Variants in NEK6 observed in about 807,000 individuals in gnomAD.
NEK6 encodes NIMA related kinase 6.
NEK6 carries 27 observed loss-of-function variants against 43.5 expected under a neutral mutation model. That is an observed-to-expected ratio of 0.62 (90% CI 0.46 to 0.86). The LOEUF (loss-of-function observed/expected upper bound fraction) is 0.86, where lower values mean the gene tolerates loss of function less well. Among genes scored for constraint, NEK6 ranks in the 40% least tolerant of loss-of-function variants. NEK6 has a pLI of 0.00. For missense variants in NEK6, 318 were observed against 414.4 expected, an observed-to-expected ratio of 0.77 and a Z score of 2.02; for synonymous variants, 167 against 164.1, an observed-to-expected ratio of 1.02 and a Z score of -0.14.
rs116028339 is a variant in NEK6 at position 124,261,369 on chromosome 9, C to G, written c.-30+3284C>G. ...AAAAGGAGAAGAATATTTCCTTCCT[C>G]TTCTCAGGCTAGACCAAGCAAGGGA... On this transcript the variant is annotated intron_variant, in intron 1 of 9. Transcript: ENST00000320246. 522 of 980,152 alleles carry G rather than the reference C, an allele frequency of 5.3e-4. 2 individuals are homozygous for G. The African/African-American group carries it at 5.8e-3, about 11-fold the overall frequency. 60.7% of individuals were successfully genotyped at this position (980,152 alleles called of 1,614,324 possible). A position where few individuals can be genotyped will look rare whatever the true frequency, so the allele number is the denominator to read the frequency against.
At chr9:124,264,855 T>C (rs949382322) in intron 1 of NEK6, among the ~76,000 whole-genome samples, 4 of 145,984 alleles carry the variant, frequency 2.7e-5, no homozygotes, top group Non-Finnish European at 4.5e-5. Flanking sequence ...CTGCAAAGAA[T>C]GGCACCTGGC....
chr9:124,330,241 C>T (rs981436626), intron 7 of NEK6, among the ~76,000 whole-genome samples: 3 of 152,178 alleles, frequency 2.0e-5, no homozygotes, highest in African/African-American at 4.8e-5. Flanking sequence ...GAGCGTCAGA[C>T]GAATTACCAG....
Position 124,326,211 on chromosome 9 carries a change from C to T in NEK6, c.406-119C>T, listed in dbSNP as rs558643685. 2.7e-4 allele frequency: 53 copies of T among 197,912 alleles called. 14 individuals are homozygous for T. The highest frequency in any genetic ancestry group is 6.6e-4 in the Non-Finnish European group (52 of 78,814). 12.3% of individuals were successfully genotyped at this position (197,912 alleles called of 1,614,324 possible). A position where few individuals can be genotyped will look rare whatever the true frequency, so the allele number is the denominator to read the frequency against. ...TTGCTCAGTGGCTCAATCCCCCCCCCCCGCCCCTGCCAGGCACCAGTTACC... is the reference window on the plus strand; with the variant it reads ...TTGCTCAGTGGCTCAATCCCCCCCCTCCGCCCCTGCCAGGCACCAGTTACC... On this transcript the variant is annotated intron_variant, in intron 5 of 9. Coordinates refer to ENST00000320246, the MANE Select transcript of NEK6 (RefSeq NM_014397.6). The surrounding 1 kb of genome is among the most constrained non-coding windows in gnomAD (Gnocchi z 4.5).
At chr9:124,333,024 A>G (rs1829092731) in intron 7 of NEK6, among the ~76,000 whole-genome samples, 1 of 152,092 alleles carries the variant, frequency 6.6e-6, no homozygotes, top group South Asian at 2.1e-4. Context: ...CCCGGGCTGC[A>G]CTGCACACAG....
intron 2 of NEK6, among the ~76,000 whole-genome samples, chr9:124,312,243 TCAGA>T (rs1311089975): frequency 6.6e-6 from 1 of 152,102 alleles, no homozygotes; most frequent in Non-Finnish European, 1.5e-5. Context: ...AAACAAGCAG[TCAGA>T]CAATGAAGGT....
intron 4 of NEK6, among the ~76,000 whole-genome samples, chr9:124,319,521 C>A (rs545344948): frequency 6.6e-6 from 1 of 152,300 alleles, no homozygotes; most frequent in African/African-American, 2.4e-5. Context: ...GTCTTAAATT[C>A]TTTGTCAAGG....
intron 2 of NEK6, among the ~76,000 whole-genome samples, chr9:124,309,725 G>A (rs944587384): frequency 6.6e-6 from 1 of 152,204 alleles, no homozygotes; most frequent in East Asian, 1.9e-4. Flanking sequence ...TTATGAGTAC[G>A]TGCGATTCTT....
intron 2 of NEK6, among the ~76,000 whole-genome samples, chr9:124,307,356 C>T (rs778054540): frequency 3.3e-5 from 5 of 152,134 alleles, no homozygotes; most frequent in Non-Finnish European, 5.9e-5. Flanking sequence ...AGAATGCCAG[C>T]GACATTTCTT....
chr9:124,311,832 G>C (rs1833540461), intron 2 of NEK6, among the ~76,000 whole-genome samples: 1 of 152,204 alleles, frequency 6.6e-6, no homozygotes, highest in Non-Finnish European at 1.5e-5. Flanking sequence ...TGGAATTATA[G>C]GCATGGGCCA....
In NEK6 at chr9:124,326,323, A is replaced by C; in HGVS notation, c.406-7A>C. 1.3e-6 allele frequency: 2 copies of C among 1,572,520 alleles called. No individual in the cohort carries two copies. The highest frequency in any genetic ancestry group is 1.7e-6 in the Non-Finnish European group (2 of 1,153,948). On this transcript the variant is annotated splice_polypyrimidine_tract_variant and splice_region_variant and intron_variant, in intron 5 of 9. Transcript: ENST00000320246. This position sits in a 1 kb window ranked among gnomAD's most constrained non-coding sequence, Gnocchi z 4.5. ...GCCTATCCCTCTGCTTGTCTCCCCC[A>C]CTGCAGTACTTTAAGAAGCAGAAGC... is the stretch of plus-strand genomic sequence containing the variant.
intron 1 of NEK6, among the ~76,000 whole-genome samples, chr9:124,278,883 G>A (rs1468421388): frequency 6.6e-6 from 1 of 152,258 alleles, no homozygotes; most frequent in South Asian, 2.1e-4. Flanking sequence ...GCAGTGCTGG[G>A]GAGGATCAGT....
chr9:124,281,487 C>CTTTTTTTT lies in NEK6; in HGVS notation c.-29-20426_-29-20419dup, dbSNP rs759381068. ...CTACTTTCCATGTCAGCTGTTTTTT[C>CTTTTTTTT]TTTTTTTTTTTTTTTTTTTTTTTTT... On this transcript the variant is annotated intron_variant, in intron 1 of 9. Transcript: ENST00000320246. 4.4e-4 allele frequency among the ~76,000 whole-genome samples: 45 copies of CTTTTTTTT among 102,954 alleles called. 1 individual carries two copies. Among genetic ancestry groups the CTTTTTTTT allele is most frequent in the African/African-American group, 1.2e-3 (30 of 25,702 alleles). The allele number at this position is 102,954 out of a possible 152,430, so 67.5% of individuals were successfully genotyped here.
intron 7 of NEK6, among the ~76,000 whole-genome samples, chr9:124,327,877 G>A (rs1035742491): frequency 2.8e-4 from 42 of 152,226 alleles, no homozygotes; most frequent in African/African-American, 9.9e-4. Flanking sequence ...TGCCTGCCAG[G>A]GAGGAGGTGA....
chr9:124,284,069 C>G (rs1327192875), intron 1 of NEK6, among the ~76,000 whole-genome samples: 2 of 152,228 alleles, frequency 1.3e-5, no homozygotes, highest in African/African-American at 4.8e-5. Context: ...CAGATGTGGG[C>G]CAGGCGCAGT....
At chr9:124,318,914 A>G (rs7019110) in intron 4 of NEK6, among the ~76,000 whole-genome samples, 4,073 of 151,226 alleles carry the variant, frequency 0.027, 180 homozygotes, top group African/African-American at 0.092. Context: ...CAGGTGATCC[A>G]CCCACCTTGG....
intron 9 of NEK6, among the ~76,000 whole-genome samples, chr9:124,348,156 A>G (rs1026992956): frequency 1.3e-5 from 2 of 152,216 alleles, no homozygotes; most frequent in Non-Finnish European, 1.5e-5. Flanking sequence ...CGTGCCAGAC[A>G]TGGGAACTGA....
At chr9:124,328,904 AC>A (rs983848577) in intron 7 of NEK6, among the ~76,000 whole-genome samples, 1 of 151,714 alleles carries the variant, frequency 6.6e-6, no homozygotes, top group Non-Finnish European at 1.5e-5. Context: ...GTAGGGACCC[AC>A]CCCCCAGGGA....
At chr9:124,342,051 C>T (rs922396748) in intron 8 of NEK6, among the ~76,000 whole-genome samples, 70 of 152,168 alleles carry the variant, frequency 4.6e-4, no homozygotes, top group African/African-American at 1.6e-3. Flanking sequence ...CAGGACTCCT[C>T]TAAATCCAGG....
Position 124,351,220 on chromosome 9 carries a change from G to A in NEK6, c.*273G>A, listed in dbSNP as rs1329379187. The A allele has an allele frequency of 5.6e-6, 2 of 356,776 alleles. No individual in the cohort carries two copies. The highest frequency in any genetic ancestry group is 1.0e-5 in the Non-Finnish European group (2 of 191,122). 22.1% of individuals were successfully genotyped at this position (356,776 alleles called of 1,614,324 possible). ...GGTCAATAAGGGCAGGTGGTTCAGC[G>A]AGCCACGGCAGCCCCCTGTATCTGG... is the stretch of plus-strand genomic sequence containing the variant. On this transcript the variant is annotated 3_prime_UTR_variant, in exon 10 of 10. Transcript: ENST00000320246.
Sources: allele counts gnomAD v4.1 joint callset (sites outside exome capture counted in the v4.1 genomes callset), GRCh38; gene constraint gnomAD v4.1.1; non-coding constraint Gnocchi (gnomAD v3.1); transcripts MANE v1.5; gene names NCBI Gene and HGNC (gene_info 2026-07-23, HGNC 2026-07-21).